HEATR5B: variants seen among roughly 807,000 people sequenced by gnomAD.
HEATR5B encodes HEAT repeat containing 5B.
In HEATR5B, 156 loss-of-function variants were observed where a neutral mutation model predicts 224.1. The observed-to-expected ratio is 0.70, with a 90% CI of 0.61 to 0.80. The LOEUF is 0.80. Ranked by LOEUF, HEATR5B falls within the 30% of genes least tolerant of loss-of-function variation. HEATR5B has a pLI of 0.00. For synonymous variants in HEATR5B, 1,027 were observed against 893.0 expected (o/e 1.15, Z -2.68); for missense variants, 2,323 against 2,535.5 (o/e 0.92, Z 1.80).
intron 3 of HEATR5B, among the ~76,000 whole-genome samples, 174 bp downstream of exon 3, chr2:37,078,946 T>C (rs1672389378): frequency 6.6e-6 from 1 of 152,224 alleles, no homozygotes. Flanking sequence ...AGAATCAGCA[T>C]GCCTAAAATT....
chr2:36,990,412 G>C (rs1447652890), intron 34 of HEATR5B, among the ~76,000 whole-genome samples: 5 of 151,964 alleles, frequency 3.3e-5, no homozygotes, highest in African/African-American at 1.2e-4. Flanking sequence ...GTCTCTACCA[G>C]TATGCCCTGG....
chr2:37,047,412 TTTGTG>T (rs1323831503), intron 18 of HEATR5B, among the ~76,000 whole-genome samples: 1 of 152,192 alleles, frequency 6.6e-6, no homozygotes, highest in African/African-American at 2.4e-5. Flanking sequence ...GAAAGTTACC[TTTGTG>T]TTATTATTTC....
At chr2:37,067,636 T>G (rs921344477) in intron 8 of HEATR5B, among the ~76,000 whole-genome samples, 5 of 152,048 alleles carry the variant, frequency 3.3e-5, no homozygotes, top group African/African-American at 1.2e-4. Flanking sequence ...GGGTGTGTGG[T>G]GGCACACGCC....
At chr2:37,002,283 C>A (rs768619160) in intron 32 of HEATR5B, 23 bp downstream of exon 32, 1 of 1,613,462 alleles carries the variant, frequency 6.2e-7, no homozygotes, top group South Asian at 1.1e-5. Flanking sequence ...TAATGCATTT[C>A]CAAATACTGA....
In HEATR5B at chr2:37,002,438, G is replaced by A. The variant is rs1667150427; in HGVS notation, c.5185C>T (p.His1729Tyr). 6.2e-7 allele frequency: 1 copy of A among 1,614,100 alleles called. No individual in the cohort carries two copies. The highest frequency in any genetic ancestry group is 8.5e-7 in the Non-Finnish European group (1 of 1,180,058). The change falls in exon 32 of 36, where the codon CAT becomes TAT. Residue 1729 changes from histidine (H) to tyrosine (Y), a missense_variant. Physicochemically the swap from His to Tyr is moderately conservative, Grantham distance 83. Transcript: ENST00000233099. ...GAGTCTGACACCTTGGTACTGAGAT[G>A]TGGCATATGCCGTACTAAAATGAAC... ...LMFILVRHMP[H>Y]LSTKVSDSPS...
chr2:37,007,740 C>T (rs1667524496), intron 28 of HEATR5B, among the ~76,000 whole-genome samples: 1 of 152,194 alleles, frequency 6.6e-6, no homozygotes, highest in Admixed American at 6.5e-5. Flanking sequence ...CTTTATAAAG[C>T]CACCAAAAGT....
At chr2:37,039,275 G>T (rs2148494438) in intron 20 of HEATR5B, among the ~76,000 whole-genome samples, 1 of 152,164 alleles carries the variant, frequency 6.6e-6, no homozygotes, top group Non-Finnish European at 1.5e-5. Context: ...GACCAGCCTG[G>T]CCAACATGGT....
At chr2:37,018,641 C>T (rs891440029) in intron 26 of HEATR5B, among the ~76,000 whole-genome samples, 1 of 152,170 alleles carries the variant, frequency 6.6e-6, no homozygotes, top group Admixed American at 6.5e-5. Flanking sequence ...ATTGCAGAAT[C>T]TTCTCTGCAT....
At chr2:37,032,556 T>C (rs1669199140) in intron 22 of HEATR5B, 73 bp downstream of exon 22, 6 of 1,250,428 alleles carry the variant, frequency 4.8e-6, no homozygotes, top group East Asian at 4.7e-5. Flanking sequence ...AAAATGTTAT[T>C]TGATAAATAG....
chr2:37,079,288 G>C lies in HEATR5B; in HGVS notation c.170C>G (p.Thr57Ser), dbSNP rs751145811. The part of the protein sequence containing the change: ...EKQKKLVEQL[T>S]GLISSSPGPP... The stretch of plus-strand genomic sequence containing the variant: ...TCCAGGTGAACTACTTATTAATCCA[G>C]TTAATTGTTCAACAAGTTTTTTCTG... Residue 57 changes from threonine to serine, a missense_variant, in exon 3 of 36, where the codon ACT becomes AGT. Transcript: ENST00000233099. 11 of 1,611,236 alleles carry C rather than the reference G, an allele frequency of 6.8e-6. No homozygotes were observed. Among genetic ancestry groups the C allele is most frequent in the Admixed American group, 1.7e-5 (1 of 59,772 alleles).
Position 37,007,241 on chromosome 2 carries a change from G to A in HEATR5B, c.4586C>T (p.Ala1529Val). The A allele has an allele frequency of 6.2e-7, 1 of 1,613,918 alleles. No individual in the cohort carries two copies. The highest frequency in any genetic ancestry group is 8.5e-7 in the Non-Finnish European group (1 of 1,179,964). The change falls in exon 29 of 36, where the codon GCC (alanine) becomes GTC (valine). Residue 1529 changes from alanine to valine, a missense_variant. Ala to Val is a moderately conservative substitution (Grantham distance 64). This residue lies in a region of HEATR5B where 844 missense variants were observed against 812.9 expected (regional missense o/e 1.04). Coordinates refer to ENST00000233099, the MANE Select transcript of HEATR5B (RefSeq NM_019024.3). ...TARLHYRNSWAPILHAVALWL... is the reference protein window; with the variant it reads ...TARLHYRNSWVPILHAVALWL... ...AAGTGCCACCGCATGGAGAATTGGG[G>A]CCCAGGAATTCCGATAGTGAAGTCT...
intron 33 of HEATR5B, among the ~76,000 whole-genome samples, chr2:36,996,149 C>T (rs1310597513): frequency 6.6e-6 from 1 of 151,998 alleles, no homozygotes; most frequent in South Asian, 2.1e-4. Flanking sequence ...CAACCTCCAC[C>T]TCCCAGGTTC....
chr2:37,041,340 A>T (rs1216661461), intron 18 of HEATR5B, 48 bp from the exon 19 acceptor site: 17 of 1,560,296 alleles, frequency 1.1e-5, no homozygotes, highest in Middle Eastern at 1.7e-4. Context: ...ATTTCCCTAT[A>T]AAAACAACAA....
At chr2:37,033,702 G>C (rs1669287620) in intron 21 of HEATR5B, among the ~76,000 whole-genome samples, 1 of 152,162 alleles carries the variant, frequency 6.6e-6, no homozygotes, top group Non-Finnish European at 1.5e-5. Context: ...GCCAGACTGG[G>C]TTTGAATCCT....
chr2:37,014,144 C>T lies in HEATR5B; in HGVS notation c.4105-124G>A, dbSNP rs978633783. On this transcript the variant is annotated intron_variant, in intron 26 of 35. Coordinates refer to ENST00000233099, the MANE Select transcript of HEATR5B (RefSeq NM_019024.3). Reference sequence around the variant, plus strand: ...CCAAAGAACAAAACAAAATAAACTACCCAATGCTATGCTTTGATATTATTA... The same window carrying T: ...CCAAAGAACAAAACAAAATAAACTATCCAATGCTATGCTTTGATATTATTA... 1.4e-5 allele frequency: 7 copies of T among 495,430 alleles called. No homozygotes were observed. In the Admixed American group the frequency reaches 2.6e-4, roughly 19 times the overall value. 30.7% of individuals were successfully genotyped at this position (495,430 alleles called of 1,614,324 possible). A position where few individuals can be genotyped will look rare whatever the true frequency, so the allele number is the denominator to read the frequency against.
chr2:37,041,502 T>A (rs986313190), intron 18 of HEATR5B, among the ~76,000 whole-genome samples: 4 of 152,166 alleles, frequency 2.6e-5, no homozygotes, highest in African/African-American at 9.7e-5. Context: ...ATCCCAGCAT[T>A]TGGGAGGCTG....
intron 1 of HEATR5B, among the ~76,000 whole-genome samples, 158 bp downstream of exon 1, chr2:37,084,111 G>T (rs1170586127): frequency 6.6e-6 from 1 of 152,236 alleles, no homozygotes; most frequent in African/African-American, 2.4e-5. Context: ...GTGGGGTTCC[G>T]CAGGCTGTCA....
chr2:36,984,306 A>C (rs1665806611), intron 35 of HEATR5B, among the ~76,000 whole-genome samples: 1 of 149,572 alleles, frequency 6.7e-6, no homozygotes, highest in Non-Finnish European at 1.5e-5. Flanking sequence ...GCATTATAGG[A>C]AATGTTACAT....
At chr2:37,022,699 T>C (rs972650137) in intron 24 of HEATR5B, among the ~76,000 whole-genome samples, 6 of 152,220 alleles carry the variant, frequency 3.9e-5, no homozygotes, top group East Asian at 1.9e-4. Context: ...ACGACCTTTA[T>C]AATAAGATAT....
Sources: allele counts gnomAD v4.1 joint callset (sites outside exome capture counted in the v4.1 genomes callset), GRCh38; gene constraint gnomAD v4.1.1; regional missense constraint gnomAD v4.1.1; transcripts MANE v1.5; gene names NCBI Gene and HGNC (gene_info 2026-07-23, HGNC 2026-07-21).